The following DCDC1 variants were observed in gnomAD, a reference collection of about 807,000 sequenced individuals.
DCDC1 encodes the protein doublecortin domain containing 1, also known as doublecortin domain-containing protein 1.
In DCDC1, 200 loss-of-function variants were observed where a neutral mutation model predicts 178.3. The observed-to-expected ratio is 1.12, with a 90% CI of 1.00 to 1.26. The LOEUF is 1.26. Ranked by LOEUF, DCDC1 falls within the 50% of genes most tolerant of loss-of-function variation. The pLI is 0.00. For missense variants in DCDC1, 1,983 were observed against 1,749.2 expected, an observed-to-expected ratio of 1.13 and a Z score of -2.38; for synonymous variants, 690 against 604.8, an observed-to-expected ratio of 1.14 and a Z score of -2.07.
At chr11:31,011,684 T>C (rs1384779904) in intron 20 of DCDC1, among the ~76,000 whole-genome samples, 1 of 152,168 alleles carries the variant, frequency 6.6e-6, no homozygotes, top group Admixed American at 6.5e-5. Context: ...AAGTTGAAAG[T>C]ATGTGTGCGC....
chr11:31,252,901 C>G (rs1335670663), intron 8 of DCDC1, among the ~76,000 whole-genome samples: 2 of 152,008 alleles, frequency 1.3e-5, no homozygotes, highest in East Asian at 3.9e-4. Flanking sequence ...AGAGGAGATT[C>G]ATGAACAAAG....
At chr11:31,178,690 G>T (rs544298633) in intron 9 of DCDC1, among the ~76,000 whole-genome samples, 1 of 151,876 alleles carries the variant, frequency 6.6e-6, no homozygotes, top group Non-Finnish European at 1.5e-5. Context: ...ACAAAATAAC[G>T]CAATTTTTCT....
chr11:31,090,745 C>A (rs1430590219), intron 17 of DCDC1, among the ~76,000 whole-genome samples: 2 of 151,984 alleles, frequency 1.3e-5, no homozygotes, highest in African/African-American at 4.8e-5. Context: ...GCCTATATAG[C>A]CAGAAGTAGT....
chr11:31,208,866 C>A (rs1037520940), intron 9 of DCDC1, among the ~76,000 whole-genome samples: 2 of 152,154 alleles, frequency 1.3e-5, no homozygotes, highest in Non-Finnish European at 2.9e-5. Flanking sequence ...CAACAAAAAC[C>A]AAACCACTAG....
At chr11:31,323,647 C>T (rs1949494288) in intron 3 of DCDC1, among the ~76,000 whole-genome samples, 3 of 151,166 alleles carry the variant, frequency 2.0e-5, no homozygotes, top group African/African-American at 7.3e-5. Context: ...TATTATAGTA[C>T]CATTTTAATG....
At position 31,141,860 on chromosome 11, in the gene DCDC1, C is replaced by A. The variant is rs578238365; in HGVS notation, c.1222-4076G>T. ...TGCACTACAGAGTTTAGCGCGAGAG[C>A]TTTCTCTTTTTCTAACCACGAAATC... On this transcript the variant is annotated intron_variant, in intron 9 of 38. Coordinates refer to ENST00000684477, the MANE Select transcript of DCDC1 (RefSeq NM_001387274.1). Among the ~76,000 whole-genome samples, 1,059 of 152,306 alleles carry A rather than the reference C, an allele frequency of 7.0e-3. 4 individuals are homozygous for A. Among genetic ancestry groups the A allele is most frequent in the Non-Finnish European group, 0.012 (831 of 68,020 alleles).
In DCDC1 at chr11:31,280,978, C is replaced by T. The variant is rs1946384069; in HGVS notation, c.960+9669G>A. ...CAAAAACTCTTCTTGCCTTTCTCAACATCACCCATATTTAATTCCCTTTTT... is the reference window on the plus strand; with the variant it reads ...CAAAAACTCTTCTTGCCTTTCTCAATATCACCCATATTTAATTCCCTTTTT... On this transcript the variant is annotated intron_variant, in intron 7 of 38. Coordinates refer to ENST00000684477, the MANE Select transcript of DCDC1 (RefSeq NM_001387274.1). 10 of 623,370 alleles carry T rather than the reference C, an allele frequency of 1.6e-5. No individual in the cohort carries two copies. The Admixed American group carries it at 1.9e-4, about 12-fold the overall frequency. 38.6% of individuals were successfully genotyped at this position (623,370 alleles called of 1,614,324 possible). A position where few individuals can be genotyped will look rare whatever the true frequency, so the allele number is the denominator to read the frequency against.
rs1413577255 is a variant in DCDC1 at position 30,863,701 on chromosome 11, A to G, written c.*1672T>C. 1.4e-4 allele frequency: 21 copies of G among 152,238 alleles called. No individual in the cohort carries two copies. Among genetic ancestry groups the G allele is most frequent in the Admixed American group, 1.4e-3 (21 of 15,288 alleles). The allele number at this position is 152,238 out of a possible 1,614,324, so 9.4% of individuals were successfully genotyped here. A position where few individuals can be genotyped will look rare whatever the true frequency, so the allele number is the denominator to read the frequency against. On this transcript the variant is annotated 3_prime_UTR_variant, in exon 39 of 39. Coordinates refer to ENST00000684477, the MANE Select transcript of DCDC1 (RefSeq NM_001387274.1). ...CACTTCATCTGACGCGTATTTAGAA[A>G]TCATCCATTTGAGAAGTCCAGATTA...
At chr11:30,993,915 A>G (rs535038324) in intron 20 of DCDC1, among the ~76,000 whole-genome samples, 1 of 152,300 alleles carries the variant, frequency 6.6e-6, no homozygotes, top group Non-Finnish European at 1.5e-5. Flanking sequence ...ATACCAGAAC[A>G]TAGAAGAGGA....
At chr11:30,909,882 C>G (rs1045947690) in intron 28 of DCDC1, among the ~76,000 whole-genome samples, 4 of 152,098 alleles carry the variant, frequency 2.6e-5, no homozygotes, top group Non-Finnish European at 5.9e-5. Flanking sequence ...TTTAACAGAA[C>G]TTAAACCAGT....
chr11:31,234,973 C>T (rs1219955094), intron 9 of DCDC1, among the ~76,000 whole-genome samples: 2 of 152,154 alleles, frequency 1.3e-5, no homozygotes, highest in African/African-American at 2.4e-5. Flanking sequence ...ATTTAAAGAA[C>T]ATTTGTCAGG....
chr11:30,870,062 G>C (rs1013603861), intron 38 of DCDC1, among the ~76,000 whole-genome samples: 2 of 152,102 alleles, frequency 1.3e-5, no homozygotes, highest in African/African-American at 4.8e-5. Context: ...GATAGGGTAA[G>C]TAAACAACTT....
intron 4 of DCDC1, 31 bp downstream of exon 4, chr11:31,307,608 G>C: frequency 6.2e-7 from 1 of 1,608,834 alleles, no homozygotes; most frequent in Non-Finnish European, 8.5e-7. Flanking sequence ...TCAACAATAG[G>C]TTAAAAAGAA....
At chr11:31,357,323 C>T (rs1951435012) in intron 1 of DCDC1, among the ~76,000 whole-genome samples, 1 of 148,388 alleles carries the variant, frequency 6.7e-6, no homozygotes, top group Non-Finnish European at 1.5e-5. Flanking sequence ...ATAAACAGAA[C>T]CAAAGACAAA....
intron 9 of DCDC1, among the ~76,000 whole-genome samples, chr11:31,213,062 C>T (rs1340063150): frequency 8.5e-5 from 12 of 141,774 alleles, no homozygotes; most frequent in Non-Finnish European, 1.7e-4. Flanking sequence ...TAGACATGTG[C>T]ATTGGTGAAA....
intron 15 of DCDC1, among the ~76,000 whole-genome samples, chr11:31,095,861 G>C (rs1591027817): frequency 6.6e-6 from 1 of 152,078 alleles, no homozygotes; most frequent in Non-Finnish European, 1.5e-5. Context: ...ATTATTCTAG[G>C]TTTTTTAGTA....
At chr11:31,101,180 T>C (rs943501535) in intron 15 of DCDC1, among the ~76,000 whole-genome samples, 3 of 152,214 alleles carry the variant, frequency 2.0e-5, no homozygotes, top group Non-Finnish European at 4.4e-5. Flanking sequence ...TAGGAAGTCC[T>C]ACTTTCTTTG....
At chr11:31,020,882 G>T (rs1952830773) in intron 20 of DCDC1, among the ~76,000 whole-genome samples, 1 of 152,104 alleles carries the variant, frequency 6.6e-6, no homozygotes, top group African/African-American at 2.4e-5. Flanking sequence ...ACAAAGGGGT[G>T]ACTTCCCATT....
intron 9 of DCDC1, among the ~76,000 whole-genome samples, chr11:31,142,725 C>T (rs922263018): frequency 1.3e-5 from 2 of 151,956 alleles, no homozygotes; most frequent in Non-Finnish European, 2.9e-5. Flanking sequence ...TGTATTTGAT[C>T]TTAATAATTG....
Sources: allele counts gnomAD v4.1 joint callset (sites outside exome capture counted in the v4.1 genomes callset), GRCh38; gene constraint gnomAD v4.1.1; transcripts MANE v1.5; gene names NCBI Gene and HGNC (gene_info 2026-07-23, HGNC 2026-07-21).